The following ENOX1 variants were observed in gnomAD, a reference collection of about 807,000 sequenced individuals.
ENOX1 encodes candidate growth-related and time keeping constitutive hydroquinone (NADH) oxidase.
Under a neutral mutation model 82.5 loss-of-function variants are expected in ENOX1, and 42 were observed. The ratio of observed to expected loss-of-function variants is 0.51; its 90% CI spans 0.40 to 0.66. The LOEUF (loss-of-function observed/expected upper bound fraction) is 0.66. Ranked by LOEUF, ENOX1 falls within the 30% of genes least tolerant of loss-of-function variation. The pLI, the probability that ENOX1 is intolerant of heterozygous loss-of-function variation, is 0.00. For synonymous variants in ENOX1, 271 were observed against 282.2 expected, an observed-to-expected ratio of 0.96 and a Z score of 0.40; for missense variants, 608 against 811.6, an observed-to-expected ratio of 0.75 and a Z score of 3.05.
Position 43,646,774 on chromosome 13 carries a change from C to T in ENOX1, c.-219+20705G>A, listed in dbSNP as rs748907308. ...TAGAGTCTTGGGGCACTGAGGTGAT[C>T]ATACTCACTTTCCCTTCTCGCCTCA... On this transcript the variant is annotated intron_variant, in intron 2 of 16. Transcript: ENST00000690772. Among the ~76,000 whole-genome samples the T allele has an allele frequency of 4.3e-4, 66 of 152,156 alleles. 1 individual carries two copies. Among genetic ancestry groups the T allele is most frequent in the Admixed American group, 3.3e-4 (5 of 15,270 alleles).
At chr13:43,369,031 C>T (rs925844134) in intron 5 of ENOX1, among the ~76,000 whole-genome samples, 1 of 150,062 alleles carries the variant, frequency 6.7e-6, no homozygotes, top group Non-Finnish European at 1.5e-5. Context: ...ATTGCCCATT[C>T]TTTTTTTTTT....
intron 8 of ENOX1, among the ~76,000 whole-genome samples, chr13:43,345,740 T>C (rs1452553837): frequency 6.6e-6 from 1 of 152,214 alleles, no homozygotes; most frequent in African/African-American, 2.4e-5. Flanking sequence ...AGCTTTTCAT[T>C]GTGTTCTGCA....
intron 1 of ENOX1, among the ~76,000 whole-genome samples, chr13:43,772,749 T>TAAAAAAAAAAAAAAAAAAAA (rs35359203): frequency 6.2e-5 from 7 of 112,096 alleles, no homozygotes; most frequent in African/African-American, 2.3e-4. Context: ...ACTCTGTCTT[T>TAAAAAAAAAAAAAAAAAAAA]AAAAAAAAAA....
At chr13:43,632,698 C>T (rs2083269942) in intron 2 of ENOX1, among the ~76,000 whole-genome samples, 2 of 152,222 alleles carry the variant, frequency 1.3e-5, no homozygotes, top group African/African-American at 4.8e-5. Flanking sequence ...CCACCTGCCT[C>T]GGCTTCCCAA....
intron 14 of ENOX1, among the ~76,000 whole-genome samples, chr13:43,264,018 A>T (rs1413505807): frequency 6.6e-6 from 1 of 152,220 alleles, no homozygotes; most frequent in Non-Finnish European, 1.5e-5. Context: ...CTACTTTCTC[A>T]ATCCTATTCA....
At chr13:43,455,664 C>T (rs2057192215) in intron 3 of ENOX1, among the ~76,000 whole-genome samples, 1 of 152,142 alleles carries the variant, frequency 6.6e-6, no homozygotes, top group African/African-American at 2.4e-5. Context: ...CCATCCAAAA[C>T]TCATCTTAAA....
Position 43,722,905 on chromosome 13 carries a change from C to A in ENOX1, c.-284-55361G>T, listed in dbSNP as rs1456091065. Among the ~76,000 whole-genome samples the A allele has an allele frequency of 2.0e-5, 3 of 152,134 alleles. No homozygotes were observed. The East Asian group carries it at 5.8e-4, about 29-fold the overall frequency. On this transcript the variant is annotated intron_variant, in intron 1 of 16. Coordinates refer to ENST00000690772, the MANE Select transcript of ENOX1 (RefSeq NM_001347969.2). ...CATCCTCAATTTCACACAAACATGACAATAATCATCTGAATCATGAAGAAA... is the reference window on the plus strand; with the variant it reads ...CATCCTCAATTTCACACAAACATGAAAATAATCATCTGAATCATGAAGAAA...
chr13:43,326,573 T>A lies in ENOX1; in HGVS notation c.1037-48A>T, dbSNP rs770224955. ...ACAAGACAAGTAATTTATGTTGTGA[T>A]CACTATAGGGAAGCAAAGCAAAGAC... On this transcript the variant is annotated intron_variant, in intron 9 of 16. Coordinates refer to ENST00000690772, the MANE Select transcript of ENOX1 (RefSeq NM_001347969.2). 3.4e-6 allele frequency: 5 copies of A among 1,487,232 alleles called. No individual in the cohort carries two copies. The East Asian group carries it at 1.1e-4, about 34-fold the overall frequency. 92.1% of individuals were successfully genotyped at this position (1,487,232 alleles called of 1,614,324 possible). A position where few individuals can be genotyped will look rare whatever the true frequency, so the allele number is the denominator to read the frequency against.
At chr13:43,286,947 T>C (rs981605865) in intron 12 of ENOX1, among the ~76,000 whole-genome samples, 4 of 152,196 alleles carry the variant, frequency 2.6e-5, no homozygotes, top group Admixed American at 2.0e-4. Flanking sequence ...TCTTGTCTTC[T>C]GCTGTCTTGA....
chr13:43,342,513 T>C (rs1000697059), intron 9 of ENOX1, among the ~76,000 whole-genome samples: 2 of 152,198 alleles, frequency 1.3e-5, no homozygotes, highest in Non-Finnish European at 2.9e-5. Flanking sequence ...CAGTCTCCAC[T>C]CCTGTGGTTT....
At position 43,318,646 on chromosome 13, in the gene ENOX1, G is replaced by A. The variant is rs1040226928; in HGVS notation, c.1261+3738C>T. Reference sequence around the variant, plus strand: ...TATCAACTTCTGGGACAAAGGCATCGAAAACATTAAGATCAGAAGAAGGGG... The same window carrying A: ...TATCAACTTCTGGGACAAAGGCATCAAAAACATTAAGATCAGAAGAAGGGG... On this transcript the variant is annotated intron_variant, in intron 11 of 16. Coordinates refer to ENST00000690772, the MANE Select transcript of ENOX1 (RefSeq NM_001347969.2). Among the ~76,000 whole-genome samples, 12 of 152,210 alleles carry A rather than the reference G, an allele frequency of 7.9e-5. No homozygotes were observed. In the East Asian group the frequency reaches 1.9e-3, roughly 24 times the overall value.
At chr13:43,577,759 T>A (rs1177281610) in intron 2 of ENOX1, among the ~76,000 whole-genome samples, 3 of 152,164 alleles carry the variant, frequency 2.0e-5, no homozygotes, top group Non-Finnish European at 4.4e-5. Context: ...CCATGCAGAT[T>A]GTAGAAGGAG....
chr13:43,760,502 G>T (rs770343943), intron 1 of ENOX1, among the ~76,000 whole-genome samples: 1 of 151,952 alleles, frequency 6.6e-6, no homozygotes, highest in Non-Finnish European at 1.5e-5. Context: ...GGAACCCAAC[G>T]TGTGCATGTT....
At chr13:43,349,188 T>C (rs753802307) in intron 8 of ENOX1, among the ~76,000 whole-genome samples, 2 of 152,220 alleles carry the variant, frequency 1.3e-5, no homozygotes, top group African/African-American at 4.8e-5. Context: ...CTACGAGAGA[T>C]AGATGTTCTC....
chr13:43,759,335 T>G (rs749154212), intron 1 of ENOX1, among the ~76,000 whole-genome samples: 1 of 152,094 alleles, frequency 6.6e-6, no homozygotes, highest in Non-Finnish European at 1.5e-5. Flanking sequence ...TGACCTCAAG[T>G]GATCCACCTG....
At chr13:43,476,916 G>GTAAT (rs1246725400) in intron 3 of ENOX1, among the ~76,000 whole-genome samples, 1 of 151,970 alleles carries the variant, frequency 6.6e-6, no homozygotes, top group Non-Finnish European at 1.5e-5. Flanking sequence ...GTGCAGGCAG[G>GTAAT]TAATTGTCCA....
At position 43,698,732 on chromosome 13, in the gene ENOX1, T is replaced by C. The variant is rs533952579; in HGVS notation, c.-284-31188A>G. On this transcript the variant is annotated intron_variant, in intron 1 of 16. Coordinates refer to ENST00000690772, the MANE Select transcript of ENOX1 (RefSeq NM_001347969.2). ...CACAAAATTATAAGAGGCTGAAAAC[T>C]GCAAATAGCACATGTCAAGTCTCTG... 8.5e-5 allele frequency among the ~76,000 whole-genome samples: 13 copies of C among 152,294 alleles called. No homozygotes were observed. In the East Asian group the frequency reaches 2.3e-3, roughly 27 times the overall value.
intron 2 of ENOX1, among the ~76,000 whole-genome samples, chr13:43,577,708 A>T (rs993458653): frequency 6.6e-6 from 1 of 152,214 alleles, no homozygotes; most frequent in Non-Finnish European, 1.5e-5. Context: ...TCGGTTTCCA[A>T]CACATGAATT....
chr13:43,370,145 A>G (rs140397867), intron 5 of ENOX1, among the ~76,000 whole-genome samples: 2 of 152,158 alleles, frequency 1.3e-5, no homozygotes, highest in South Asian at 4.1e-4. Flanking sequence ...AGGCAGGTGG[A>G]TCACGAAGTC....
Sources: allele counts gnomAD v4.1 joint callset (sites outside exome capture counted in the v4.1 genomes callset), GRCh38; gene constraint gnomAD v4.1.1; transcripts MANE v1.5; gene names NCBI Gene and HGNC (gene_info 2026-07-23, HGNC 2026-07-21).